The following ROBO1 variants were observed in gnomAD, a reference collection of about 807,000 sequenced individuals.
ROBO1 encodes the protein roundabout homolog 1.
ROBO1 carries 149 observed loss-of-function variants against 195.9 expected under a neutral mutation model. The observed-to-expected ratio is 0.76, with a 90% CI of 0.67 to 0.87. ROBO1 has a LOEUF of 0.87. ROBO1 is among the 40% of genes least tolerant of loss of function. The pLI is 0.00. For missense variants in ROBO1, 1,933 were observed against 2,068.3 expected (o/e 0.93, Z 1.27); for synonymous variants, 816 against 733.2 (o/e 1.11, Z -1.82).
rs2034433419 is a variant in ROBO1 at position 79,331,402 on chromosome 3, TAA to T, written c.89-205865_89-205864del. 2.0e-5 allele frequency among the ~76,000 whole-genome samples: 3 copies of T among 152,318 alleles called. No homozygotes were observed. The South Asian group carries it at 6.2e-4, about 32-fold the overall frequency. ...TTTTACTTTTACTCTGAAAAATAATTAAGATAAAACAGTTATATAAGTACAAT... is the reference window on the plus strand; with the variant it reads ...TTTTACTTTTACTCTGAAAAATAATTGATAAAACAGTTATATAAGTACAAT... On this transcript the variant is annotated intron_variant, in intron 2 of 30. Transcript: ENST00000464233.
intron 2 of ROBO1, among the ~76,000 whole-genome samples, chr3:79,187,975 G>T (rs572014918): frequency 2.0e-5 from 3 of 151,844 alleles, no homozygotes; most frequent in African/African-American, 7.3e-5. Context: ...TGAGCTAAAG[G>T]TCTATTCAAA....
At chr3:78,705,863 G>T (rs537877200) in intron 8 of ROBO1, among the ~76,000 whole-genome samples, 63 of 152,144 alleles carry the variant, frequency 4.1e-4, no homozygotes, top group African/African-American at 1.5e-3. Context: ...TGTTTTGCTG[G>T]TTCTTCACCT....
At chr3:79,302,991 C>T (rs2033036193) in intron 2 of ROBO1, among the ~76,000 whole-genome samples, 1 of 151,920 alleles carries the variant, frequency 6.6e-6, no homozygotes, top group Non-Finnish European at 1.5e-5. Flanking sequence ...TGAAACTAAC[C>T]AAGAAAGTAC....
intron 4 of ROBO1, among the ~76,000 whole-genome samples, chr3:78,797,157 T>A (rs1474294210): frequency 6.6e-6 from 1 of 152,186 alleles, no homozygotes; most frequent in East Asian, 1.9e-4. Flanking sequence ...TTTCCCTTCC[T>A]AAACTATAAC....
chr3:79,512,468 G>A (rs757766555), intron 2 of ROBO1, among the ~76,000 whole-genome samples: 3 of 152,012 alleles, frequency 2.0e-5, no homozygotes, highest in Admixed American at 6.6e-5. Flanking sequence ...CCAAACCTGC[G>A]AACTCGTTAC....
intron 3 of ROBO1, among the ~76,000 whole-genome samples, chr3:79,106,452 T>C (rs545002765): frequency 6.6e-6 from 1 of 151,738 alleles, no homozygotes; most frequent in Non-Finnish European, 1.5e-5. Context: ...GACAAATAAT[T>C]CTATTTTTGA....
intron 2 of ROBO1, among the ~76,000 whole-genome samples, chr3:79,126,572 G>C (rs1247247438): frequency 2.0e-5 from 3 of 152,192 alleles, no homozygotes; most frequent in East Asian, 1.9e-4. Flanking sequence ...TAAAAAACAA[G>C]AGTGTACCTC....
At chr3:79,606,622 C>T (rs1944494453) in intron 1 of ROBO1, among the ~76,000 whole-genome samples, 2 of 151,890 alleles carry the variant, frequency 1.3e-5, no homozygotes, top group Non-Finnish European at 2.9e-5. Context: ...CTACTGTCCA[C>T]TGTGTCAATC....
intron 2 of ROBO1, among the ~76,000 whole-genome samples, chr3:79,366,266 A>G (rs1167761535): frequency 6.6e-6 from 1 of 152,136 alleles, no homozygotes; most frequent in Non-Finnish European, 1.5e-5. Flanking sequence ...TTTGCTGTTT[A>G]TTACTCTTCC....
intron 2 of ROBO1, among the ~76,000 whole-genome samples, chr3:79,251,521 G>A (rs1430251766): frequency 6.6e-6 from 1 of 152,178 alleles, no homozygotes; most frequent in Non-Finnish European, 1.5e-5. Context: ...GGGAGGCCGA[G>A]GAGAGTGGAT....
intron 2 of ROBO1, among the ~76,000 whole-genome samples, chr3:79,299,919 C>T (rs886324209): frequency 4.0e-5 from 6 of 150,350 alleles, no homozygotes; most frequent in South Asian, 2.1e-4. Context: ...AGAATATTAA[C>T]GATATAAAAA....
At chr3:78,835,071 G>A (rs1190402184) in intron 4 of ROBO1, among the ~76,000 whole-genome samples, 1 of 152,124 alleles carries the variant, frequency 6.6e-6, no homozygotes, top group Non-Finnish European at 1.5e-5. Context: ...GAAGCCAAGA[G>A]ATGAATCAAT....
At chr3:79,753,112 C>T (rs891941286) in intron 1 of ROBO1, among the ~76,000 whole-genome samples, 3 of 152,028 alleles carry the variant, frequency 2.0e-5, no homozygotes, top group African/African-American at 4.8e-5. Flanking sequence ...AGACAGAGAT[C>T]AGTGCTAGAA....
At chr3:78,819,487 CAGAT>C (rs2030624006) in intron 4 of ROBO1, among the ~76,000 whole-genome samples, 1 of 148,476 alleles carries the variant, frequency 6.7e-6, no homozygotes, top group African/African-American at 2.5e-5. Context: ...TTTCTCCATA[CAGAT>C]AATCTATGGT....
intron 2 of ROBO1, among the ~76,000 whole-genome samples, chr3:79,331,895 C>A (rs886603606): frequency 3.3e-5 from 5 of 152,250 alleles, no homozygotes; most frequent in African/African-American, 7.2e-5. Context: ...GTAATCCCAG[C>A]ACTTTGGGAG....
At chr3:79,044,651 T>C (rs1032597483) in intron 3 of ROBO1, among the ~76,000 whole-genome samples, 1 of 152,062 alleles carries the variant, frequency 6.6e-6, no homozygotes. Flanking sequence ...GGAGTTAGTA[T>C]GGAAATTGGA....
intron 2 of ROBO1, among the ~76,000 whole-genome samples, chr3:79,147,435 T>C (rs747693655): frequency 6.6e-6 from 1 of 151,906 alleles, no homozygotes; most frequent in Non-Finnish European, 1.5e-5. Flanking sequence ...AGGCCAAAAA[T>C]GAGATACCCA....
In ROBO1 at chr3:79,640,744, C is replaced by T. The variant is rs1945635014; in HGVS notation, c.-50-50783G>A. ...GGTTATTTCTATGAATAGCTCAGTT[C>T]TTTATTGGATTTTAATCATGTTGAA... On this transcript the variant is annotated intron_variant, in intron 1 of 30. Coordinates refer to ENST00000464233, the MANE Select transcript of ROBO1 (RefSeq NM_002941.4). 2.6e-5 allele frequency among the ~76,000 whole-genome samples: 4 copies of T among 152,178 alleles called. No individual in the cohort carries two copies. In the South Asian group the frequency reaches 8.3e-4, roughly 32 times the overall value.
intron 2 of ROBO1, among the ~76,000 whole-genome samples, chr3:79,440,691 T>C (rs1434560596): frequency 6.6e-6 from 1 of 152,102 alleles, no homozygotes; most frequent in African/African-American, 2.4e-5. Context: ...AAGTTTTCTA[T>C]CCTTAGAACC....
Sources: allele counts gnomAD v4.1 joint callset (sites outside exome capture counted in the v4.1 genomes callset), GRCh38; gene constraint gnomAD v4.1.1; transcripts MANE v1.5; gene names NCBI Gene and HGNC (gene_info 2026-07-23, HGNC 2026-07-21).